KCNH7: variants seen among roughly 807,000 people sequenced by gnomAD.
KCNH7 encodes voltage-gated inwardly rectifying potassium channel KCNH7.
Under a neutral mutation model 120.8 loss-of-function variants are expected in KCNH7, and 49 were observed. The ratio of observed to expected loss-of-function variants is 0.41; its 90% CI spans 0.32 to 0.51. The LOEUF (loss-of-function observed/expected upper bound fraction) is 0.51, where lower values mean the gene tolerates loss of function less well. KCNH7 is among the 20% of genes least tolerant of loss of function. The pLI, the probability that KCNH7 is intolerant of heterozygous loss-of-function variation, is 0.38. For missense variants in KCNH7, 1,097 were observed against 1,446.6 expected, an observed-to-expected ratio of 0.76 and a Z score of 3.92; for synonymous variants, 547 against 516.1, an observed-to-expected ratio of 1.06 and a Z score of -0.81.
intron 2 of KCNH7, among the ~76,000 whole-genome samples, chr2:162,622,147 A>G (rs1369741126): frequency 6.6e-6 from 1 of 152,226 alleles, no homozygotes; most frequent in Non-Finnish European, 1.5e-5. Context: ...TCTTATGCAT[A>G]GTTATCAAAT....
At chr2:162,481,896 G>A (rs1192512398) in intron 6 of KCNH7, among the ~76,000 whole-genome samples, 3 of 152,216 alleles carry the variant, frequency 2.0e-5, no homozygotes. Flanking sequence ...ACCTCTGAAG[G>A]CATAGTTAAG....
At chr2:162,644,683 T>C (rs11897872) in intron 2 of KCNH7, among the ~76,000 whole-genome samples, 4,879 of 152,332 alleles carry the variant, frequency 0.032, 265 homozygotes, top group African/African-American at 0.11. Context: ...TTTGTACTAA[T>C]GTGTCACATA....
intron 3 of KCNH7, among the ~76,000 whole-genome samples, chr2:162,521,975 G>T (rs1474131504): frequency 6.6e-6 from 1 of 151,760 alleles, no homozygotes; most frequent in Non-Finnish European, 1.5e-5. Context: ...TAAAAGACAT[G>T]ACAATGTGCA....
intron 6 of KCNH7, among the ~76,000 whole-genome samples, chr2:162,451,357 A>T (rs1363187427): frequency 6.6e-6 from 1 of 152,116 alleles, no homozygotes; most frequent in Non-Finnish European, 1.5e-5. Flanking sequence ...ATATTTAAAA[A>T]CTGATTGGAT....
chr2:162,460,847 G>A (rs1200630237), intron 6 of KCNH7, among the ~76,000 whole-genome samples: 1 of 152,176 alleles, frequency 6.6e-6, no homozygotes, highest in Non-Finnish European at 1.5e-5. Flanking sequence ...AACGTTCCAA[G>A]GTGGTTTGGT....
chr2:162,649,467 T>C (rs1051617651), intron 2 of KCNH7, among the ~76,000 whole-genome samples: 9 of 152,210 alleles, frequency 5.9e-5, no homozygotes, highest in Non-Finnish European at 1.3e-4. Flanking sequence ...CTTATTATTT[T>C]GAAGTTATTT....
At chr2:162,624,889 GTTTTTTTTT>G (rs66562676) in intron 2 of KCNH7, among the ~76,000 whole-genome samples, 1 of 69,714 alleles carries the variant, frequency 1.4e-5, no homozygotes, top group Non-Finnish European at 2.4e-5. Flanking sequence ...TGCACTCTTG[GTTTTTTTTT>G]TTTTTTTTTT....
intron 2 of KCNH7, among the ~76,000 whole-genome samples, chr2:162,746,874 A>G (rs191949809): frequency 2.0e-5 from 3 of 152,252 alleles, no homozygotes; most frequent in Non-Finnish European, 4.4e-5. Flanking sequence ...ATAAAAGAGG[A>G]AAAAAACCAG....
chr2:162,737,120 T>G (rs1687942445), intron 2 of KCNH7, among the ~76,000 whole-genome samples: 1 of 152,148 alleles, frequency 6.6e-6, no homozygotes, highest in African/African-American at 2.4e-5. Context: ...AACTTCTCAG[T>G]GAAGCATGAA....
At position 162,653,030 on chromosome 2, in the gene KCNH7, C is replaced by G. The variant is rs547095983; in HGVS notation, c.308-115950G>C. 3.9e-5 allele frequency among the ~76,000 whole-genome samples: 6 copies of G among 152,220 alleles called. No individual in the cohort carries two copies. In the East Asian group the frequency reaches 1.2e-3, roughly 29 times the overall value. On this transcript the variant is annotated intron_variant, in intron 2 of 15. Transcript: ENST00000332142. ...TTCTCATCTAATCCTCATGGAAACC[C>G]AGAGTTATAATTCCATTTCACTTGG...
At chr2:162,391,347 C>T (rs187979407) in intron 12 of KCNH7, among the ~76,000 whole-genome samples, 149 of 152,190 alleles carry the variant, frequency 9.8e-4, no homozygotes, top group African/African-American at 3.2e-3. Flanking sequence ...GATGAATGCT[C>T]ACCTTAAGAG....
At position 162,382,342 on chromosome 2, in the gene KCNH7, A is replaced by C. The variant is rs184468525; in HGVS notation, c.2963-2321T>G. Among the ~76,000 whole-genome samples the C allele has an allele frequency of 1.3e-4, 20 of 152,208 alleles. 1 individual carries two copies. The East Asian group carries it at 3.9e-3, about 29-fold the overall frequency. ...ATTAGCTTGTTTAAACAGCAGTATA[A>C]AAAATGAGGAGTTCAAAGGGGAAAT... On this transcript the variant is annotated intron_variant, in intron 13 of 15. Coordinates refer to ENST00000332142, the MANE Select transcript of KCNH7 (RefSeq NM_033272.4).
chr2:162,552,219 T>C (rs1173494495), intron 2 of KCNH7, among the ~76,000 whole-genome samples: 2 of 152,202 alleles, frequency 1.3e-5, no homozygotes, highest in African/African-American at 2.4e-5. Context: ...TCTGCTCTAA[T>C]AGCTAGTAAG....
intron 2 of KCNH7, among the ~76,000 whole-genome samples, chr2:162,696,133 A>G (rs1379801199): frequency 1.3e-5 from 2 of 152,180 alleles, no homozygotes; most frequent in Non-Finnish European, 2.9e-5. Flanking sequence ...TTGTAAAACT[A>G]AGGCTTTGCT....
chr2:162,747,752 G>C (rs1014961633), intron 2 of KCNH7, among the ~76,000 whole-genome samples: 4 of 152,084 alleles, frequency 2.6e-5, no homozygotes, highest in African/African-American at 9.7e-5. Flanking sequence ...TTCTATTATA[G>C]AATGGAATCC....
chr2:162,419,623 G>A (rs1204566750), intron 9 of KCNH7, among the ~76,000 whole-genome samples: 2 of 152,036 alleles, frequency 1.3e-5, no homozygotes, highest in Non-Finnish European at 2.9e-5. Context: ...CTATTTTCAG[G>A]TAAGGAGTAA....
intron 6 of KCNH7, among the ~76,000 whole-genome samples, chr2:162,491,791 C>T (rs1269964677): frequency 1.3e-5 from 2 of 152,194 alleles, no homozygotes; most frequent in Admixed American, 6.5e-5. Flanking sequence ...CCTAGGGATG[C>T]CTTTTTCCCC....
intron 2 of KCNH7, among the ~76,000 whole-genome samples, chr2:162,676,176 G>C (rs958258511): frequency 6.6e-6 from 1 of 151,460 alleles, no homozygotes; most frequent in African/African-American, 2.4e-5. Flanking sequence ...TTGTAATAGT[G>C]ATTCTGCTAA....
intron 4 of KCNH7, among the ~76,000 whole-genome samples, chr2:162,514,101 A>G (rs1409025352): frequency 1.3e-5 from 2 of 151,844 alleles, no homozygotes; most frequent in African/African-American, 2.4e-5. Context: ...CTATGCTAAC[A>G]CTGTGCCCAT....
Sources: gnomAD v4.1 joint callset for allele counts (sites outside exome capture counted in the v4.1 genomes callset) on GRCh38, gnomAD v4.1.1 for gene constraint, MANE v1.5 for transcripts, NCBI Gene and HGNC (gene_info 2026-07-23, HGNC 2026-07-21) for gene names.